The following FRMD4A variants were observed in gnomAD, a reference collection of about 807,000 sequenced individuals.
The protein encoded by FRMD4A is FERM domain containing 4A, also known as FERM domain-containing protein 4A.
A neutral mutation model predicts 129.1 loss-of-function variants in FRMD4A; 29 were observed. The ratio of observed to expected loss-of-function variants is 0.22; its 90% confidence interval spans 0.17 to 0.31. The LOEUF is 0.31. Among genes scored for constraint, FRMD4A ranks in the 10% least tolerant of loss-of-function variants. FRMD4A has a pLI of 1.00. For missense variants in FRMD4A, 1,272 were observed against 1,375.8 expected, an observed-to-expected ratio of 0.92 and a Z score of 1.19; for synonymous variants, 634 against 571.6, an observed-to-expected ratio of 1.11 and a Z score of -1.56.
chr10:14,278,780 A>G (rs578108636), intron 2 of FRMD4A, among the ~76,000 whole-genome samples: 1 of 152,318 alleles, frequency 6.6e-6, no homozygotes, highest in Non-Finnish European at 1.5e-5. Context: ...TAATGAAGCC[A>G]TCGATTTCTT....
chr10:14,260,442 T>C (rs1270161101), intron 2 of FRMD4A, among the ~76,000 whole-genome samples: 1 of 152,154 alleles, frequency 6.6e-6, no homozygotes, highest in African/African-American at 2.4e-5. Context: ...AGAGAAGGCA[T>C]GAAATGTCCT....
At chr10:14,144,219 T>C (rs908199934) in intron 2 of FRMD4A, among the ~76,000 whole-genome samples, 2 of 152,160 alleles carry the variant, frequency 1.3e-5, no homozygotes, top group African/African-American at 4.8e-5. Context: ...CAGGAGGTTG[T>C]GTTAAAATGC....
rs1554755362 is a variant in FRMD4A, at chr10:14,091,426, G to GTTTT, written c.46-232515_46-232514insAAAA. On this transcript the variant is annotated intron_variant, in intron 2 of 24. Transcript: ENST00000357447. ...CTGACATTTCCATTCTTAGTTTTTT[G>GTTTT]GTTTTGTTTTGTTTTGTTGTTGTTT... Among the ~76,000 whole-genome samples the GTTTT allele has an allele frequency of 9.2e-3, 1,400 of 151,996 alleles. 29 individuals are homozygous for GTTTT. Among genetic ancestry groups the GTTTT allele is most frequent in the African/African-American group, 0.032 (1,328 of 41,448 alleles).
intron 2 of FRMD4A, among the ~76,000 whole-genome samples, chr10:14,197,864 A>T (rs1467144896): frequency 6.6e-6 from 1 of 152,158 alleles, no homozygotes; most frequent in Admixed American, 6.5e-5. Flanking sequence ...AACAAATCCC[A>T]CAGTAATTTC....
intron 2 of FRMD4A, among the ~76,000 whole-genome samples, chr10:14,133,006 T>C (rs751242499): frequency 8.5e-5 from 13 of 152,192 alleles, no homozygotes; most frequent in Non-Finnish European, 4.4e-5. Context: ...CCTCATGCCA[T>C]CATCAGTAAG....
At chr10:13,990,651 C>G (rs2446586) in intron 2 of FRMD4A, among the ~76,000 whole-genome samples, 1 of 152,232 alleles carries the variant, frequency 6.6e-6, no homozygotes, top group East Asian at 1.9e-4. Flanking sequence ...ATCTGCTTCC[C>G]GGACTCTGAG....
At chr10:14,000,894 T>C (rs1339046949) in intron 2 of FRMD4A, among the ~76,000 whole-genome samples, 1 of 152,048 alleles carries the variant, frequency 6.6e-6, no homozygotes, top group Non-Finnish European at 1.5e-5. Flanking sequence ...CAGGTAACTA[T>C]CCAGAGACTC....
At chr10:14,102,162 G>C (rs1837339823) in intron 2 of FRMD4A, among the ~76,000 whole-genome samples, 1 of 152,154 alleles carries the variant, frequency 6.6e-6, no homozygotes, top group South Asian at 2.1e-4. Flanking sequence ...CTAAATGACG[G>C]AGCCTAAGGT....
intron 19 of FRMD4A, among the ~76,000 whole-genome samples, chr10:13,662,344 A>T (rs1281724062): frequency 1.3e-5 from 2 of 152,172 alleles, no homozygotes; most frequent in African/African-American, 4.8e-5. Context: ...AAGAGCAATC[A>T]TTATTATTAT....
At chr10:14,101,057 C>T (rs1304993220) in intron 2 of FRMD4A, among the ~76,000 whole-genome samples, 3 of 152,182 alleles carry the variant, frequency 2.0e-5, no homozygotes, top group African/African-American at 7.2e-5. Context: ...CCCCTTAGCC[C>T]TGAACCACCC....
Position 13,714,027 on chromosome 10 carries a change from C to CATATATATAAAATATATATTATATAT in FRMD4A, c.760-6915_760-6914insATATATAATATATATTTTATATATAT, listed in dbSNP as rs1554858885. ...ATATAATATACATATATAAAATATA[C>CATATATATAAAATATATATTATATAT]ATATATATATATATATATATATATA... On this transcript the variant is annotated intron_variant, in intron 12 of 24. Coordinates refer to ENST00000357447, the MANE Select transcript of FRMD4A (RefSeq NM_018027.5). Among the ~76,000 whole-genome samples, 33 of 31,162 alleles carry CATATATATAAAATATATATTATATAT rather than the reference C, an allele frequency of 1.1e-3. 2 individuals carry two copies. Among genetic ancestry groups the CATATATATAAAATATATATTATATAT allele is most frequent in the East Asian group, 4.0e-3 (3 of 756 alleles). The allele number at this position is 31,162 out of a possible 152,430, so 20.4% of individuals were successfully genotyped here. A position where few individuals can be genotyped will look rare whatever the true frequency, so the allele number is the denominator to read the frequency against.
chr10:13,980,843 A>G (rs6602694), intron 2 of FRMD4A, among the ~76,000 whole-genome samples: 83 of 152,348 alleles, frequency 5.4e-4, no homozygotes, highest in African/African-American at 1.8e-3. Context: ...ACACAAATAA[A>G]ACAAAACAAA....
chr10:13,945,489 T>G (rs2095324878), intron 2 of FRMD4A, among the ~76,000 whole-genome samples: 2 of 152,196 alleles, frequency 1.3e-5, no homozygotes, highest in Non-Finnish European at 2.9e-5. Context: ...GTCTCAGGAT[T>G]TTTTTCCTTG....
chr10:13,714,957 T>C (rs2088633359), intron 12 of FRMD4A, among the ~76,000 whole-genome samples: 1 of 152,098 alleles, frequency 6.6e-6, no homozygotes, highest in Admixed American at 6.6e-5. Flanking sequence ...GAGAATCACT[T>C]GAACCCAGGA....
intron 2 of FRMD4A, among the ~76,000 whole-genome samples, chr10:13,967,527 T>C (rs544687661): frequency 3.3e-5 from 5 of 152,176 alleles, no homozygotes; most frequent in East Asian, 1.9e-4. Context: ...CAATAACCTA[T>C]GGAAATAAGA....
chr10:13,765,584 T>G (rs1215774205), intron 6 of FRMD4A, among the ~76,000 whole-genome samples: 1 of 152,176 alleles, frequency 6.6e-6, no homozygotes, highest in Non-Finnish European at 1.5e-5. Context: ...GGAACCACCT[T>G]AGAAGTACGG....
intron 2 of FRMD4A, among the ~76,000 whole-genome samples, chr10:14,181,083 C>T (rs900829873): frequency 1.3e-5 from 2 of 152,166 alleles, no homozygotes; most frequent in Admixed American, 6.5e-5. Flanking sequence ...TGGAATCTAG[C>T]CCTTGGAGAC....
intron 2 of FRMD4A, among the ~76,000 whole-genome samples, chr10:14,114,132 G>A (rs144759749): frequency 8.5e-5 from 13 of 152,334 alleles, no homozygotes; most frequent in East Asian, 3.9e-4. Flanking sequence ...ACTCACTGCC[G>A]ACTGTGTGCG....
At chr10:14,328,591 C>A (rs1211095836) in intron 2 of FRMD4A, among the ~76,000 whole-genome samples, 2 of 149,858 alleles carry the variant, frequency 1.3e-5, no homozygotes, top group Admixed American at 6.7e-5. Flanking sequence ...GGATTTATTT[C>A]TGTTAGTGTA....
Sources: allele counts gnomAD v4.1 joint callset (sites outside exome capture counted in the v4.1 genomes callset), GRCh38; gene constraint gnomAD v4.1.1; transcripts MANE v1.5; gene names NCBI Gene and HGNC (gene_info 2026-07-23, HGNC 2026-07-21).